Variants in NCAM2 observed in about 807,000 individuals in gnomAD.
NCAM2 encodes neural cell adhesion molecule 2.
Under a neutral mutation model 98.1 loss-of-function variants are expected in NCAM2, and 30 were observed. The ratio of observed to expected loss-of-function variants is 0.31; its 90% CI spans 0.23 to 0.41. The LOEUF is 0.41. Among genes scored for constraint, NCAM2 ranks in the 10% least tolerant of loss-of-function variants. The pLI, the probability that NCAM2 is intolerant of heterozygous loss-of-function variation, is 1.00. For synonymous variants in NCAM2, 368 were observed against 342.4 expected (o/e 1.07, Z -0.83); for missense variants, 867 against 1,005.8 (o/e 0.86, Z 1.87).
intron 1 of NCAM2, among the ~76,000 whole-genome samples, chr21:21,032,873 T>C (rs567702775): frequency 1.7e-4 from 26 of 152,296 alleles, no homozygotes; most frequent in African/African-American, 4.8e-4. Context: ...CTACATACTT[T>C]AGCAAAATAC....
At chr21:21,172,132 A>T (rs916163885) in intron 1 of NCAM2, among the ~76,000 whole-genome samples, 1 of 151,026 alleles carries the variant, frequency 6.6e-6, no homozygotes, top group South Asian at 2.1e-4. Flanking sequence ...GTAGTCCCCT[A>T]TTTAATGGGC....
intron 2 of NCAM2, among the ~76,000 whole-genome samples, chr21:21,281,247 TA>T (rs1177996923): frequency 4.6e-5 from 7 of 152,200 alleles, no homozygotes; most frequent in African/African-American, 1.7e-4. Context: ...GATAATAACT[TA>T]AATCAATTTA....
At chr21:20,998,944 AGT>A (rs1446807750) in intron 1 of NCAM2, among the ~76,000 whole-genome samples, 1 of 151,922 alleles carries the variant, frequency 6.6e-6, no homozygotes, top group Admixed American at 6.6e-5. Context: ...AAATTGGATG[AGT>A]GTGTTAACAG....
intron 9 of NCAM2, among the ~76,000 whole-genome samples, chr21:21,387,850 T>C (rs2076302234): frequency 6.6e-6 from 1 of 151,846 alleles, no homozygotes; most frequent in Non-Finnish European, 1.5e-5. Context: ...AAAAATAAAG[T>C]AGAAAAATAA....
intron 1 of NCAM2, among the ~76,000 whole-genome samples, chr21:21,194,546 C>T (rs908962521): frequency 2.0e-5 from 3 of 152,124 alleles, no homozygotes. Flanking sequence ...GTTGTACACT[C>T]AGTGTTTCCA....
chr21:21,394,163 T>C (rs2076445134), intron 9 of NCAM2, among the ~76,000 whole-genome samples: 1 of 152,214 alleles, frequency 6.6e-6, no homozygotes, highest in Non-Finnish European at 1.5e-5. Flanking sequence ...TATGGTTAAC[T>C]GGAAATAAGC....
At chr21:21,350,985 C>T (rs2075321143) in intron 8 of NCAM2, among the ~76,000 whole-genome samples, 1 of 148,880 alleles carries the variant, frequency 6.7e-6, no homozygotes, top group South Asian at 2.1e-4. Context: ...GGCGTGGTGG[C>T]GGGTGCCTGT....
rs1990216675 is a variant in NCAM2, at chr21:21,541,173, T to C, written c.*3216T>C. 1.3e-5 allele frequency: 2 copies of C among 151,618 alleles called. No homozygotes were observed. Among genetic ancestry groups the C allele is most frequent in the African/African-American group, 2.4e-5 (1 of 41,400 alleles). The allele number at this position is 151,618 out of a possible 1,614,324, so 9.4% of individuals were successfully genotyped here. A position where few individuals can be genotyped will look rare whatever the true frequency, so the allele number is the denominator to read the frequency against. ...TAATTGTAACTTTATGATCATATCT[T>C]TGTTTATGCTTCTTATTTTAAATAA... is the stretch of plus-strand genomic sequence containing the variant. On this transcript the variant is annotated 3_prime_UTR_variant, in exon 18 of 18. Coordinates refer to ENST00000400546, the MANE Select transcript of NCAM2 (RefSeq NM_004540.5).
intron 1 of NCAM2, among the ~76,000 whole-genome samples, chr21:21,107,956 TTATTAATA>T (rs2066382393): frequency 6.6e-6 from 1 of 152,154 alleles, no homozygotes; most frequent in Non-Finnish European, 1.5e-5. Flanking sequence ...GTTCTACAAT[TTATTAATA>T]TGTATTTGAA....
intron 1 of NCAM2, among the ~76,000 whole-genome samples, chr21:21,210,933 G>C (rs1381954347): frequency 6.9e-6 from 1 of 143,886 alleles, no homozygotes; most frequent in Non-Finnish European, 1.5e-5. Flanking sequence ...CTTCCATATA[G>C]GAGAAGTACA....
chr21:21,382,072 G>T (rs1049366488), intron 9 of NCAM2, among the ~76,000 whole-genome samples: 1 of 152,036 alleles, frequency 6.6e-6, no homozygotes, highest in African/African-American at 2.4e-5. Flanking sequence ...TTGACCCATT[G>T]TTCCCTCATA....
At chr21:21,026,951 G>A (rs2064561922) in intron 1 of NCAM2, among the ~76,000 whole-genome samples, 1 of 148,914 alleles carries the variant, frequency 6.7e-6, no homozygotes, top group African/African-American at 2.5e-5. Flanking sequence ...CCACCTCCCA[G>A]GCTCAAGTGA....
At chr21:21,442,928 C>T (rs1979516413) in intron 12 of NCAM2, among the ~76,000 whole-genome samples, 2 of 152,118 alleles carry the variant, frequency 1.3e-5, no homozygotes, top group South Asian at 4.1e-4. Flanking sequence ...TGATCTTTCT[C>T]TTTATCCCAC....
intron 1 of NCAM2, among the ~76,000 whole-genome samples, chr21:21,141,306 T>G (rs1283913500): frequency 6.6e-6 from 1 of 152,220 alleles, no homozygotes; most frequent in Non-Finnish European, 1.5e-5. Context: ...ATTTGTTGTC[T>G]GGTGTCTCCT....
At chr21:21,067,016 G>A (rs7275412) in intron 1 of NCAM2, among the ~76,000 whole-genome samples, 35,507 of 151,698 alleles carry the variant, frequency 0.23, 4,983 homozygotes, top group African/African-American at 0.38. Context: ...AAATATATGC[G>A]TCTGTTTAAG....
chr21:21,010,889 T>C (rs2064197396), intron 1 of NCAM2, among the ~76,000 whole-genome samples: 2 of 152,072 alleles, frequency 1.3e-5, no homozygotes, highest in Admixed American at 6.6e-5. Flanking sequence ...TAAAGGGAAG[T>C]GAATACTCAA....
intron 1 of NCAM2, among the ~76,000 whole-genome samples, chr21:21,235,594 G>T (rs918397684): frequency 6.6e-6 from 1 of 151,934 alleles, no homozygotes; most frequent in African/African-American, 2.4e-5. Context: ...AGGACCTTTT[G>T]TATTGAATAT....
At position 21,452,992 on chromosome 21, in the gene NCAM2, AT is replaced by A. The variant is rs1169414794; in HGVS notation, c.1655-13612del. On this transcript the variant is annotated intron_variant, in intron 12 of 17. Coordinates refer to ENST00000400546, the MANE Select transcript of NCAM2 (RefSeq NM_004540.5). ...TATATTATTATATATTATATATTAT[AT>A]TATATAATATATAATATATAAAAAT... Among the ~76,000 whole-genome samples, 420 of 94,132 alleles carry A rather than the reference AT, an allele frequency of 4.5e-3. 1 individual carries two copies. Among genetic ancestry groups the A allele is most frequent in the Admixed American group, 6.9e-3 (43 of 6,258 alleles). 61.8% of individuals were successfully genotyped at this position (94,132 alleles called of 152,430 possible).
At chr21:21,412,202 G>A (rs558113966) in intron 10 of NCAM2, among the ~76,000 whole-genome samples, 8 of 152,268 alleles carry the variant, frequency 5.3e-5, no homozygotes, top group Admixed American at 2.0e-4. Context: ...GTACTTGGCC[G>A]CCTTCTTGCT....
Sources: gnomAD v4.1 joint callset for allele counts (sites outside exome capture counted in the v4.1 genomes callset) on GRCh38, gnomAD v4.1.1 for gene constraint, MANE v1.5 for transcripts, NCBI Gene and HGNC (gene_info 2026-07-23, HGNC 2026-07-21) for gene names.